Variants in YLPM1 observed in about 807,000 individuals in gnomAD.
The protein encoded by YLPM1 is YLP motif-containing protein 1.
A neutral mutation model predicts 230.0 loss-of-function variants in YLPM1; 99 were observed. That is an observed-to-expected ratio of 0.43 (90% CI 0.37 to 0.51). The LOEUF (loss-of-function observed/expected upper bound fraction) is 0.51. Among genes scored for constraint, YLPM1 ranks in the 20% least tolerant of loss-of-function variants. YLPM1 has a pLI of 0.00. For missense variants in YLPM1, 2,592 were observed against 2,707.7 expected, an observed-to-expected ratio of 0.96 and a Z score of 0.95; for synonymous variants, 984 against 942.5, an observed-to-expected ratio of 1.04 and a Z score of -0.81.
chr14:74,826,669 T>C (rs2091565235), intron 18 of YLPM1, among the ~76,000 whole-genome samples: 1 of 152,208 alleles, frequency 6.6e-6, no homozygotes, highest in Non-Finnish European at 1.5e-5. Flanking sequence ...AAATTGGAAG[T>C]GATGTGATTT....
Position 74,781,846 on chromosome 14 carries a change from A to G in YLPM1, c.1803A>G (p.Pro601=). The G allele has an allele frequency of 6.2e-7, 1 of 1,607,288 alleles. No homozygotes were observed. Among genetic ancestry groups the G allele is most frequent in the East Asian group, 2.2e-5 (1 of 44,666 alleles). The change falls in exon 4 of 21, where the codon CCA becomes CCG. Residue 601 remains proline, a synonymous_variant. Transcript: ENST00000325680. ...CACCTTCCCTGTCTTCTGCAGGGCC[A>G]CCACCAGTTCTTCCCCCACCATCTC... ...LPPPSLSSAG[P]PPVLPPPSLS...
chr14:74,766,636 A>ATTTTTTTTT (rs34932979), intron 1 of YLPM1, among the ~76,000 whole-genome samples: 1 of 110,348 alleles, frequency 9.1e-6, no homozygotes, highest in Non-Finnish European at 1.8e-5. Flanking sequence ...ATGCCTGGCT[A>ATTTTTTTTT]TTTTTTTTTT....
intron 17 of YLPM1, chr14:74,823,984 A>G (rs1049925614): frequency 3.0e-6 from 1 of 337,670 alleles, no homozygotes; most frequent in Non-Finnish European, 5.5e-6. Flanking sequence ...TGTTCAGACT[A>G]CAATTGTGAG....
Position 74,835,959 on chromosome 14 carries a change from G to T in YLPM1, c.*221G>T, listed in dbSNP as rs1489730813. 3 of 448,912 alleles carry T rather than the reference G, an allele frequency of 6.7e-6. No homozygotes were observed. The East Asian group carries it at 2.1e-4, about 32-fold the overall frequency. The allele number at this position is 448,912 out of a possible 1,614,324, so 27.8% of individuals were successfully genotyped here. A position where few individuals can be genotyped will look rare whatever the true frequency, so the allele number is the denominator to read the frequency against. ...CAAGACGTTAATTTTTCTTTTAACTGTTTTGGGGAGGGAGGGAGTGATAGC... is the reference window on the plus strand; with the variant it reads ...CAAGACGTTAATTTTTCTTTTAACTTTTTTGGGGAGGGAGGGAGTGATAGC... On this transcript the variant is annotated 3_prime_UTR_variant, in exon 21 of 21. Coordinates refer to ENST00000325680, the MANE Select transcript of YLPM1 (RefSeq NM_019589.3).
At chr14:74,814,666 G>A (rs139245524) in intron 11 of YLPM1, among the ~76,000 whole-genome samples, 1,736 of 152,232 alleles carry the variant, frequency 0.011, 34 homozygotes, top group African/African-American at 0.039. Flanking sequence ...ATTTTGTTGA[G>A]GATTTTTGCA....
rs540288889 is a variant in YLPM1, at chr14:74,817,295, A to G, written c.5946+18A>G. On this transcript the variant is annotated intron_variant, in intron 15 of 20. Coordinates refer to ENST00000325680, the MANE Select transcript of YLPM1 (RefSeq NM_019589.3). ...TAAATAAGGTGATTTTAAGAAACAT[A>G]GAATAATAGAGTACTATCATGCGCT... The G allele has an allele frequency of 2.0e-5, 31 of 1,555,214 alleles. No individual in the cohort carries two copies. The South Asian group carries it at 3.3e-4, about 17-fold the overall frequency.
At chr14:74,818,062 AAAAAG>A (rs1215456340) in intron 15 of YLPM1, among the ~76,000 whole-genome samples, 164 bp from the exon 16 acceptor site, 1 of 152,040 alleles carries the variant, frequency 6.6e-6, no homozygotes, top group African/African-American at 2.4e-5. Flanking sequence ...TCTCAAAAAA[AAAAAG>A]AAATTAGCCC....
At chr14:74,819,919 T>A (rs1327662589) in intron 16 of YLPM1, among the ~76,000 whole-genome samples, 1 of 152,198 alleles carries the variant, frequency 6.6e-6, no homozygotes, top group Non-Finnish European at 1.5e-5. Flanking sequence ...CTGTTTTTAT[T>A]TTGTACCCTC....
intron 1 of YLPM1, among the ~76,000 whole-genome samples, chr14:74,774,486 A>G (rs937124195): frequency 4.6e-5 from 7 of 151,740 alleles, no homozygotes; most frequent in Non-Finnish European, 7.4e-5. Flanking sequence ...GCTCACTGCA[A>G]CCTCCGCCTC....
At chr14:74,765,278 A>T (rs1454793408) in intron 1 of YLPM1, among the ~76,000 whole-genome samples, 1 of 152,218 alleles carries the variant, frequency 6.6e-6, no homozygotes, top group Non-Finnish European at 1.5e-5. Flanking sequence ...TTCAGCGATT[A>T]CTAATTTACC....
chr14:74,828,215 CTCTT>C (rs1484812972), intron 18 of YLPM1, among the ~76,000 whole-genome samples: 3 of 152,144 alleles, frequency 2.0e-5, no homozygotes, highest in African/African-American at 4.8e-5. Context: ...ATTATATACA[CTCTT>C]TATGGAATTC....
intron 6 of YLPM1, 39 bp downstream of exon 6, chr14:74,802,715 T>C (rs368986653): frequency 6.2e-5 from 96 of 1,559,212 alleles, no homozygotes; most frequent in South Asian, 4.9e-4. Flanking sequence ...AAATGGTTTC[T>C]ACTTTGTATG....
At position 74,810,167 on chromosome 14, in the gene YLPM1, T is replaced by G. The variant is rs1313258668; in HGVS notation, c.5033-58T>G. On this transcript the variant is annotated intron_variant, in intron 8 of 20. Coordinates refer to ENST00000325680, the MANE Select transcript of YLPM1 (RefSeq NM_019589.3). ...CCAGCTCTGAAGTTAGATTTATAGT[T>G]TTCTGCTTTTATTTCTATAAAAGGG... is the stretch of plus-strand genomic sequence containing the variant. 9.0e-6 allele frequency: 14 copies of G among 1,562,582 alleles called. No individual in the cohort carries two copies. The Admixed American group carries it at 2.7e-4, about 30-fold the overall frequency.
chr14:74,781,654 G>T lies in YLPM1; in HGVS notation c.1611G>T (p.Val537=). 1 of 1,611,996 alleles carries T rather than the reference G, an allele frequency of 6.2e-7. No individual in the cohort carries two copies. The highest frequency in any genetic ancestry group is 8.5e-7 in the Non-Finnish European group (1 of 1,179,438). Reference sequence around the variant, plus strand: ...CTCTACCTACAATGCCCCCTCCAGTGTTGCCTCCTTCATTGCCACCACCAG... The same window carrying T: ...CTCTACCTACAATGCCCCCTCCAGTTTTGCCTCCTTCATTGCCACCACCAG... ...PPPLPTMPPP[V]LPPSLPPPVM... is the part of the protein sequence containing the mutation. The change falls in exon 4 of 21, where the codon GTG becomes GTT. Residue 537 remains valine (V), a synonymous_variant. Transcript: ENST00000325680.
intron 1 of YLPM1, among the ~76,000 whole-genome samples, chr14:74,769,860 C>T (rs546803733): frequency 1.0e-5 from 1 of 97,710 alleles, no homozygotes; most frequent in East Asian, 3.5e-4. Context: ...CACCCCCCCC[C>T]CCGCCCCCCG....
rs745973638 is a variant in YLPM1, at chr14:74,802,693, G to C, written c.4521+17G>C. On this transcript the variant is annotated intron_variant, in intron 6 of 20. Coordinates refer to ENST00000325680, the MANE Select transcript of YLPM1 (RefSeq NM_019589.3). ...ATGTATCCGGTATGGGAGAATGTGT[G>C]CTCAGAAAATGAAATGGTTTCTACT... 5 of 1,577,450 alleles carry C rather than the reference G, an allele frequency of 3.2e-6. No individual in the cohort carries two copies. Among genetic ancestry groups the C allele is most frequent in the African/African-American group, 1.4e-5 (1 of 73,050 alleles).
intron 19 of YLPM1, among the ~76,000 whole-genome samples, chr14:74,833,014 T>C (rs2091619437): frequency 6.6e-6 from 1 of 151,174 alleles, no homozygotes; most frequent in Non-Finnish European, 1.5e-5. Flanking sequence ...TTAAATTTGC[T>C]GTGGGCTGTT....
chr14:74,810,577 G>C (rs2091424872), intron 9 of YLPM1, among the ~76,000 whole-genome samples, 157 bp downstream of exon 9: 1 of 152,136 alleles, frequency 6.6e-6, no homozygotes, highest in Non-Finnish European at 1.5e-5. Context: ...CAGGAAAGTA[G>C]GTCCTTGACT....
rs1215429496 is a variant in YLPM1, at chr14:74,763,632, C to T, written c.143C>T (p.Ser48Leu). ...ACGACTCCCGCGGCCCCCTCCTCCT[C>T]GGGCTTCATGAGCTTCCGCGAACAG... The part of the protein sequence containing the change: ...SSTTPAAPSS[S>L]GFMSFREQHL... Residue 48 changes from serine to leucine, a missense_variant, in exon 1 of 21, where the codon TCG becomes TTG. Ser to Leu is a moderately radical substitution (Grantham distance 145). Around this residue, in one of 4 missense-constraint regions of YLPM1, gnomAD observed 1,862 missense variants for 1,819.8 expected, o/e 1.02. Transcript: ENST00000325680. 6.3e-7 allele frequency: 1 copy of T among 1,592,854 alleles called. No individual in the cohort carries two copies. Among genetic ancestry groups the T allele is most frequent in the Non-Finnish European group, 8.6e-7 (1 of 1,168,882 alleles).
Sources: allele counts gnomAD v4.1 joint callset (sites outside exome capture counted in the v4.1 genomes callset), GRCh38; gene constraint gnomAD v4.1.1; regional missense constraint gnomAD v4.1.1; transcripts MANE v1.5; gene names NCBI Gene and HGNC (gene_info 2026-07-23, HGNC 2026-07-21).